The following GTPBP10 variants were observed in gnomAD, a reference collection of about 807,000 sequenced individuals.
GTPBP10 encodes GTP binding protein 10, also known as GTP-binding protein 10.
In GTPBP10, 38 loss-of-function variants were observed where a neutral mutation model predicts 44.8. The ratio of observed to expected loss-of-function variants is 0.85; its 90% CI spans 0.65 to 1.11. GTPBP10 has a LOEUF of 1.11. Ranked by LOEUF, GTPBP10 falls within the 50% of genes most tolerant of loss-of-function variation. GTPBP10 has a pLI of 0.00. For synonymous variants in GTPBP10, 152 were observed against 150.6 expected, an observed-to-expected ratio of 1.01 and a Z score of -0.07; for missense variants, 462 against 453.7, an observed-to-expected ratio of 1.02 and a Z score of -0.17.
chr7:90,360,029 C>G (rs984304768), intron 4 of GTPBP10, among the ~76,000 whole-genome samples: 5 of 152,112 alleles, frequency 3.3e-5, no homozygotes, highest in Admixed American at 6.5e-5. Flanking sequence ...TTTGTAGATT[C>G]TGGATATTAG....
intron 6 of GTPBP10, among the ~76,000 whole-genome samples, chr7:90,375,639 G>T (rs1026206314): frequency 2.6e-5 from 4 of 152,078 alleles, no homozygotes; most frequent in African/African-American, 9.7e-5. Context: ...CATTTATACC[G>T]AATTTTTAAG....
chr7:90,359,612 C>G (rs174061), intron 4 of GTPBP10, among the ~76,000 whole-genome samples: 137,334 of 152,272 alleles, frequency 0.9, 62,209 homozygotes, highest in East Asian at 1. Flanking sequence ...ACGTGTGCAT[C>G]TGTCTTTATA....
At chr7:90,383,495 A>G (rs1338221488) in intron 9 of GTPBP10, among the ~76,000 whole-genome samples, 2 of 152,238 alleles carry the variant, frequency 1.3e-5, no homozygotes, top group Admixed American at 1.3e-4. Context: ...GAAGTTCTAA[A>G]GAAGTATGTT....
At chr7:90,355,622 T>C (rs1795883197) in intron 4 of GTPBP10, among the ~76,000 whole-genome samples, 1 of 152,208 alleles carries the variant, frequency 6.6e-6, no homozygotes, top group South Asian at 2.1e-4. Context: ...TTGACATAAC[T>C]CTTTTGGGTC....
intron 1 of GTPBP10, among the ~76,000 whole-genome samples, chr7:90,350,023 T>A (rs529417805): frequency 1.3e-5 from 2 of 152,124 alleles, no homozygotes; most frequent in Non-Finnish European, 2.9e-5. Flanking sequence ...CTGCACCCAT[T>A]AACTTGTCAT....
Position 90,352,300 on chromosome 7 carries a change from A to G in GTPBP10, c.34-516A>G, listed in dbSNP as rs1278759755. 1.3e-5 allele frequency among the ~76,000 whole-genome samples: 2 copies of G among 152,276 alleles called. 1 individual carries two copies. Among genetic ancestry groups the G allele is most frequent in the Non-Finnish European group, 2.9e-5 (2 of 68,048 alleles). ...TGGAGGAACAGATTTTACCTGGGGA[A>G]GAGTTTGGTTTTGTTATGTTAACAT... On this transcript the variant is annotated intron_variant, in intron 1 of 9. Coordinates refer to ENST00000222511, the MANE Select transcript of GTPBP10 (RefSeq NM_033107.4).
At chr7:90,363,213 C>T (rs548651578) in intron 4 of GTPBP10, among the ~76,000 whole-genome samples, 43 of 152,246 alleles carry the variant, frequency 2.8e-4, no homozygotes, top group South Asian at 1.7e-3. Flanking sequence ...TTAGTTGATG[C>T]GGTTTGTTCC....
At chr7:90,377,226 AAATAAT>A (rs986827294) in intron 6 of GTPBP10, among the ~76,000 whole-genome samples, 1 of 152,172 alleles carries the variant, frequency 6.6e-6, no homozygotes, top group African/African-American at 2.4e-5. Context: ...CCTGTCTCTA[AAATAAT>A]AATAATAAAT....
In GTPBP10 at chr7:90,386,660, A is replaced by G. The variant is rs1796530481; in HGVS notation, c.*1506A>G. 3 of 152,208 alleles carry G rather than the reference A, an allele frequency of 2.0e-5. No homozygotes were observed. The highest frequency in any genetic ancestry group is 7.2e-5 in the African/African-American group (3 of 41,456). The allele number at this position is 152,208 out of a possible 1,614,324, so 9.4% of individuals were successfully genotyped here. ...GCCCAGGAGTTCATGCCTGAGCAAC[A>G]TAGCAAGACCCTGGCTCTCTATAAA... On this transcript the variant is annotated 3_prime_UTR_variant, in exon 10 of 10. Transcript: ENST00000222511.
chr7:90,375,182 A>C (rs1454448411), intron 6 of GTPBP10, among the ~76,000 whole-genome samples: 2 of 152,168 alleles, frequency 1.3e-5, no homozygotes, highest in African/African-American at 2.4e-5. Context: ...GGATAAGGCA[A>C]AGCTGTGGAG....
At chr7:90,348,704 C>G (rs1795730938) in intron 1 of GTPBP10, among the ~76,000 whole-genome samples, 1 of 151,128 alleles carries the variant, frequency 6.6e-6, no homozygotes, top group East Asian at 2.0e-4. Context: ...GGAAGTACAT[C>G]ATAATTTCTG....
intron 4 of GTPBP10, among the ~76,000 whole-genome samples, chr7:90,361,636 T>G (rs1317195437): frequency 1.3e-5 from 2 of 152,230 alleles, no homozygotes; most frequent in African/African-American, 2.4e-5. Flanking sequence ...AGGATGATGC[T>G]GGCCTCATAA....
rs1047303545 is a variant in GTPBP10, at chr7:90,378,234, T to C, written c.777+23T>C. 6 of 1,596,840 alleles carry C rather than the reference T, an allele frequency of 3.8e-6. No homozygotes were observed. The Admixed American group carries it at 5.0e-5, about 13-fold the overall frequency. ...AAAGTAGGTTTTCTGTTTTACTGTG[T>C]TCTGTATTTGGTCTAATACATAGGA... On this transcript the variant is annotated intron_variant, in intron 8 of 9. Transcript: ENST00000222511.
chr7:90,348,682 G>A (rs953894369), intron 1 of GTPBP10, among the ~76,000 whole-genome samples: 1 of 152,056 alleles, frequency 6.6e-6, no homozygotes, highest in Non-Finnish European at 1.5e-5. Flanking sequence ...GACACACTAT[G>A]TGTAACTTTA....
At chr7:90,348,731 C>G (rs17861296) in intron 1 of GTPBP10, among the ~76,000 whole-genome samples, 1 of 136,684 alleles carries the variant, frequency 7.3e-6, no homozygotes, top group African/African-American at 2.8e-5. Context: ...TTTTGCTTTT[C>G]TCTTTCCCCC....
At chr7:90,354,107 T>G (rs1352317427) in intron 2 of GTPBP10, among the ~76,000 whole-genome samples, 2 of 152,168 alleles carry the variant, frequency 1.3e-5, no homozygotes, top group African/African-American at 4.8e-5. Flanking sequence ...GTGCTGAGAT[T>G]ACAGGCGTGA....
chr7:90,382,509 ACTC>A (rs1270488956), intron 8 of GTPBP10, among the ~76,000 whole-genome samples: 1 of 152,058 alleles, frequency 6.6e-6, no homozygotes, highest in African/African-American at 2.4e-5. Context: ...GTAGCCTCAA[ACTC>A]CTGGTGGCCT....
intron 5 of GTPBP10, among the ~76,000 whole-genome samples, chr7:90,372,955 C>G (rs1796286351): frequency 1.3e-5 from 2 of 152,012 alleles, no homozygotes; most frequent in African/African-American, 4.8e-5. Flanking sequence ...TGAAAGGGTA[C>G]TATGAAAGAG....
Position 90,352,863 on chromosome 7 carries a change from C to CG in GTPBP10, c.83dup (p.Gly29TrpfsTer16). 6.2e-7 allele frequency: 1 copy of CG among 1,613,118 alleles called. No homozygotes were observed. The highest frequency in any genetic ancestry group is 8.5e-7 in the Non-Finnish European group (1 of 1,179,674). On this transcript the variant is annotated frameshift_variant, in exon 2 of 10. Coordinates refer to ENST00000222511, the MANE Select transcript of GTPBP10 (RefSeq NM_033107.4). LOFTEE classifies it high-confidence loss of function. The stretch of plus-strand genomic sequence containing the variant: ...TAAGACTCTTCACCAGGGGAGGATC[C>CG]GGTGGAATGGGTTATCCTCGTTTAG...
Sources: gnomAD v4.1 joint callset for allele counts (sites outside exome capture counted in the v4.1 genomes callset) on GRCh38, gnomAD v4.1.1 for gene constraint, MANE v1.5 for transcripts, NCBI Gene and HGNC (gene_info 2026-07-23, HGNC 2026-07-21) for gene names.